Variants in DNM3 observed in about 807,000 individuals in gnomAD.
The protein encoded by DNM3 is dynamin 3.
In DNM3, 47 loss-of-function variants were observed where a neutral mutation model predicts 101.6. That is an observed-to-expected ratio of 0.46 (90% CI 0.37 to 0.59). The LOEUF is 0.59. DNM3 is among the 20% of genes least tolerant of loss of function. The pLI is 0.00. For synonymous variants in DNM3, 385 were observed against 387.9 expected (o/e 0.99, Z 0.09); for missense variants, 849 against 1,085.7 (o/e 0.78, Z 3.06).
At chr1:172,367,424 C>T (rs1266003558) in intron 17 of DNM3, among the ~76,000 whole-genome samples, 2 of 151,744 alleles carry the variant, frequency 1.3e-5, no homozygotes, top group Non-Finnish European at 2.9e-5. Context: ...GTGTGAAACT[C>T]ACTTATAGAG....
intron 14 of DNM3, chr1:172,137,460 C>T (rs917228506): frequency 4.6e-5 from 7 of 152,030 alleles, no homozygotes; most frequent in Admixed American, 2.6e-4. Flanking sequence ...TGTAGTTTTG[C>T]CCCATCATTC....
At chr1:172,143,085 C>T (rs1572699874) in intron 14 of DNM3, among the ~76,000 whole-genome samples, 1 of 152,094 alleles carries the variant, frequency 6.6e-6, no homozygotes, top group Non-Finnish European at 1.5e-5. Flanking sequence ...TTTCTTTATA[C>T]ACATTTTGGG....
intron 15 of DNM3, among the ~76,000 whole-genome samples, chr1:172,295,931 A>G (rs1413127129): frequency 6.6e-6 from 1 of 152,252 alleles, no homozygotes; most frequent in Non-Finnish European, 1.5e-5. Context: ...AAGACTTTGA[A>G]ATACTATACA....
intron 2 of DNM3, among the ~76,000 whole-genome samples, chr1:171,932,734 T>C (rs773037685): frequency 6.6e-6 from 1 of 152,216 alleles, no homozygotes; most frequent in Non-Finnish European, 1.5e-5. Context: ...TTAAATTTAT[T>C]CTCTTGGGTA....
intron 1 of DNM3, among the ~76,000 whole-genome samples, chr1:171,919,820 C>G (rs1230699675): frequency 6.6e-6 from 1 of 152,086 alleles, no homozygotes; most frequent in Non-Finnish European, 1.5e-5. Flanking sequence ...AGTTTATCTT[C>G]CCTTCTTTAA....
intron 14 of DNM3, among the ~76,000 whole-genome samples, chr1:172,176,144 A>C (rs2059147522): frequency 6.6e-6 from 1 of 151,782 alleles, no homozygotes; most frequent in African/African-American, 2.4e-5. Context: ...ATCTAGGTAA[A>C]CCCAGTGTAA....
At chr1:172,051,055 A>G (rs1434567321) in intron 10 of DNM3, among the ~76,000 whole-genome samples, 1 of 152,106 alleles carries the variant, frequency 6.6e-6, no homozygotes, top group Non-Finnish European at 1.5e-5. Flanking sequence ...CTATCTTCTC[A>G]AAACATTTTA....
intron 20 of DNM3, among the ~76,000 whole-genome samples, chr1:172,402,526 T>C (rs137857595): frequency 9.8e-5 from 15 of 152,310 alleles, no homozygotes; most frequent in Non-Finnish European, 2.1e-4. Context: ...AAAATGTCAG[T>C]CTTTGTATAT....
chr1:172,068,188 C>G (rs927200084), intron 10 of DNM3, among the ~76,000 whole-genome samples: 3 of 152,068 alleles, frequency 2.0e-5, no homozygotes, highest in Non-Finnish European at 4.4e-5. Context: ...ATTAGCTGAG[C>G]TTGGTGGCAC....
chr1:172,132,706 G>A (rs961603277), intron 14 of DNM3, among the ~76,000 whole-genome samples: 3 of 152,214 alleles, frequency 2.0e-5, no homozygotes, highest in African/African-American at 4.8e-5. Flanking sequence ...ATACAAGGCC[G>A]CAGAAAATAT....
At chr1:172,369,565 A>C (rs1343169573) in intron 17 of DNM3, among the ~76,000 whole-genome samples, 1 of 151,872 alleles carries the variant, frequency 6.6e-6, no homozygotes, top group African/African-American at 2.4e-5. Flanking sequence ...GAACAAGACA[A>C]TGATGTCCAC....
intron 1 of DNM3, among the ~76,000 whole-genome samples, chr1:171,842,921 A>G (rs1188503135): frequency 1.3e-5 from 2 of 152,246 alleles, no homozygotes; most frequent in Non-Finnish European, 2.9e-5. Context: ...TCCTAGTAAT[A>G]GAAAACCAGG....
At chr1:172,386,234 T>G (rs1201578436) in intron 18 of DNM3, among the ~76,000 whole-genome samples, 1 of 140,670 alleles carries the variant, frequency 7.1e-6, no homozygotes, top group Non-Finnish European at 1.6e-5. Flanking sequence ...CTTGACATCC[T>G]GTCAAAGTTT....
At chr1:172,097,168 G>A (rs948581437) in intron 13 of DNM3, among the ~76,000 whole-genome samples, 4 of 152,138 alleles carry the variant, frequency 2.6e-5, no homozygotes, top group Non-Finnish European at 4.4e-5. Flanking sequence ...TTGGGAGGCC[G>A]AGGTGGGTGG....
At chr1:172,047,144 ATT>A (rs1302024272) in intron 9 of DNM3, among the ~76,000 whole-genome samples, 1 of 151,968 alleles carries the variant, frequency 6.6e-6, no homozygotes, top group Admixed American at 6.6e-5. Context: ...TCCATTGGCT[ATT>A]TGAATAGTAG....
chr1:172,160,877 G>A (rs960208354), intron 14 of DNM3, among the ~76,000 whole-genome samples: 9 of 151,896 alleles, frequency 5.9e-5, no homozygotes, highest in African/African-American at 2.2e-4. Flanking sequence ...GTAATGTGTT[G>A]CACTACAATG....
chr1:172,304,055 A>G (rs1464501063), intron 15 of DNM3, among the ~76,000 whole-genome samples: 2 of 151,946 alleles, frequency 1.3e-5, no homozygotes, highest in Admixed American at 6.6e-5. Context: ...TAAATGGGCT[A>G]CATATCCCAA....
chr1:172,054,451 T>G (rs2050429376), intron 10 of DNM3, among the ~76,000 whole-genome samples: 1 of 152,198 alleles, frequency 6.6e-6, no homozygotes, highest in Non-Finnish European at 1.5e-5. Flanking sequence ...TCTTCACCAG[T>G]GCATCATCAC....
Position 172,402,352 on chromosome 1 carries a change from A to T in DNM3, c.2523-5420A>T, listed in dbSNP as rs145264899. Among the ~76,000 whole-genome samples the T allele has an allele frequency of 3.6e-3, 549 of 152,238 alleles. 3 individuals are homozygous for T. Among genetic ancestry groups the T allele is most frequent in the African/African-American group, 0.012 (516 of 41,538 alleles). On this transcript the variant is annotated intron_variant, in intron 20 of 20. Coordinates refer to ENST00000627582, the MANE Select transcript of DNM3 (RefSeq NM_015569.5). The stretch of plus-strand genomic sequence containing the variant: ...TTCTAGTGGCCCTTGGAAACCTGGG[A>T]TGTATAACTCTCTCATGATCCTAGA...
Sources: gnomAD v4.1 joint callset for allele counts (sites outside exome capture counted in the v4.1 genomes callset) on GRCh38, gnomAD v4.1.1 for gene constraint, MANE v1.5 for transcripts, NCBI Gene and HGNC (gene_info 2026-07-23, HGNC 2026-07-21) for gene names.